TBC1D5: variants seen among roughly 807,000 people sequenced by gnomAD.
The protein encoded by TBC1D5 is TBC1 domain family, member 5.
TBC1D5 carries 75 observed loss-of-function variants against 100.3 expected under a neutral mutation model. The observed-to-expected ratio is 0.75, with a 90% CI of 0.62 to 0.91. The LOEUF is 0.91. Among genes scored for constraint, TBC1D5 ranks in the 40% least tolerant of loss-of-function variants. The pLI, the probability that TBC1D5 is intolerant of heterozygous loss-of-function variation, is 0.00. For missense variants in TBC1D5, 910 were observed against 942.4 expected (o/e 0.97, Z 0.45); for synonymous variants, 323 against 325.6 (o/e 0.99, Z 0.09).
intron 2 of TBC1D5, among the ~76,000 whole-genome samples, chr3:17,525,123 A>C (rs1441632623): frequency 6.6e-6 from 1 of 152,078 alleles, no homozygotes. Context: ...ACTTTAAAAA[A>C]CAGGACATGA....
chr3:17,240,150 G>A (rs1399946187), intron 16 of TBC1D5, among the ~76,000 whole-genome samples: 4 of 152,074 alleles, frequency 2.6e-5, no homozygotes, highest in Admixed American at 2.6e-4. Flanking sequence ...TAATAAAAAG[G>A]AAAGAACACT....
At chr3:17,636,156 T>C (rs527715792) in intron 1 of TBC1D5, among the ~76,000 whole-genome samples, 1 of 152,034 alleles carries the variant, frequency 6.6e-6, no homozygotes, top group African/African-American at 2.4e-5. Flanking sequence ...TGCTGTACTC[T>C]AGCCTGGGTG....
At chr3:17,424,463 A>G (rs1353132349) in intron 4 of TBC1D5, among the ~76,000 whole-genome samples, 2 of 152,216 alleles carry the variant, frequency 1.3e-5, no homozygotes, top group Non-Finnish European at 2.9e-5. Context: ...TTTAATGGTT[A>G]AATAAGGAAC....
chr3:17,407,904 T>A (rs2093815887), intron 4 of TBC1D5, among the ~76,000 whole-genome samples: 1 of 152,162 alleles, frequency 6.6e-6, no homozygotes, highest in South Asian at 2.1e-4. Context: ...ACTCTATTAG[T>A]TTAAAAAATC....
At chr3:17,469,344 T>A (rs2150095807) in intron 3 of TBC1D5, among the ~76,000 whole-genome samples, 1 of 152,300 alleles carries the variant, frequency 6.6e-6, no homozygotes, top group African/African-American at 2.4e-5. Context: ...AAATTTCTTA[T>A]GACCATACAT....
chr3:17,618,052 C>G (rs1485123268), intron 2 of TBC1D5, among the ~76,000 whole-genome samples: 2 of 152,170 alleles, frequency 1.3e-5, no homozygotes, highest in Non-Finnish European at 2.9e-5. Flanking sequence ...TACCTTTGGT[C>G]TTTGATGTTG....
chr3:17,196,919 A>C (rs1038114955), intron 18 of TBC1D5, among the ~76,000 whole-genome samples: 1 of 152,232 alleles, frequency 6.6e-6, no homozygotes, highest in African/African-American at 2.4e-5. Flanking sequence ...CCCGAAGTTC[A>C]CATTTGCTTA....
intron 15 of TBC1D5, among the ~76,000 whole-genome samples, chr3:17,281,609 T>A (rs2080607355): frequency 1.3e-5 from 2 of 152,236 alleles, no homozygotes; most frequent in South Asian, 4.1e-4. Flanking sequence ...TAATCATATG[T>A]GTGCTTGAAC....
intron 13 of TBC1D5, among the ~76,000 whole-genome samples, chr3:17,341,106 C>T (rs1461045867): frequency 6.6e-6 from 1 of 152,120 alleles, no homozygotes; most frequent in African/African-American, 2.4e-5. Context: ...TCCTATAAAA[C>T]AATCTGTCTT....
exon 22 of TBC1D5, chr3:17,158,286 T>C (rs961943588): frequency 1.6e-4 from 24 of 152,234 alleles, no homozygotes; most frequent in African/African-American, 5.1e-4. Flanking sequence ...ATACAAAATG[T>C]ATTTAACTGC....
intron 3 of TBC1D5, among the ~76,000 whole-genome samples, chr3:17,459,278 G>A (rs560161533): frequency 6.6e-6 from 1 of 152,306 alleles, no homozygotes; most frequent in African/African-American, 2.4e-5. Context: ...GATGGCTTCA[G>A]GATGAAACTG....
chr3:17,658,336 C>G (rs188005867), intron 1 of TBC1D5, among the ~76,000 whole-genome samples: 38 of 152,256 alleles, frequency 2.5e-4, no homozygotes, highest in African/African-American at 8.2e-4. Flanking sequence ...AAGATTATAG[C>G]ATCACTCTGT....
intron 15 of TBC1D5, among the ~76,000 whole-genome samples, chr3:17,271,671 T>G (rs753867673): frequency 2.0e-4 from 30 of 152,168 alleles, no homozygotes; most frequent in Non-Finnish European, 3.5e-4. Flanking sequence ...GTGGGCAACC[T>G]TATCTTCTTC....
At chr3:17,474,410 T>G (rs1435176740) in intron 3 of TBC1D5, among the ~76,000 whole-genome samples, 1 of 152,180 alleles carries the variant, frequency 6.6e-6, no homozygotes, top group East Asian at 1.9e-4. Context: ...CTGTTTTCTA[T>G]TTAATTCATT....
At chr3:17,481,825 CCACCT>C (rs1239424958) in intron 3 of TBC1D5, among the ~76,000 whole-genome samples, 1 of 152,206 alleles carries the variant, frequency 6.6e-6, no homozygotes, top group African/African-American at 2.4e-5. Flanking sequence ...ACTGCAACCT[CCACCT>C]CCCAGGTTCA....
Position 17,187,511 on chromosome 3 carries a change from C to A in TBC1D5, c.1753-2303G>T, listed in dbSNP as rs143292588. 1.3e-3 allele frequency among the ~76,000 whole-genome samples: 193 copies of A among 152,292 alleles called. 1 individual carries two copies. The highest frequency in any genetic ancestry group is 4.5e-3 in the African/African-American group (187 of 41,552). On this transcript the variant is annotated intron_variant, in intron 18 of 21. Transcript: ENST00000253692. Reference sequence around the variant, plus strand: ...AGCCCAGTAAGTGACCCAGTCAATACCATGTGGAGCAGAAGAAGAGCCTGA... The same window carrying A: ...AGCCCAGTAAGTGACCCAGTCAATAACATGTGGAGCAGAAGAAGAGCCTGA...
chr3:17,504,275 T>C (rs2095818927), intron 3 of TBC1D5, among the ~76,000 whole-genome samples: 1 of 6,212 alleles, frequency 1.6e-4, no homozygotes, highest in Admixed American at 1.7e-3. Context: ...CTGGGGACTG[T>C]TGTGGGGTGG....
chr3:17,630,112 C>T (rs1190081948), intron 1 of TBC1D5, among the ~76,000 whole-genome samples: 1 of 152,182 alleles, frequency 6.6e-6, no homozygotes, highest in African/African-American at 2.4e-5. Flanking sequence ...ATACAGAATG[C>T]AAACTTTTAC....
intron 3 of TBC1D5, among the ~76,000 whole-genome samples, chr3:17,442,298 A>T (rs1475216443): frequency 6.6e-6 from 1 of 152,196 alleles, no homozygotes; most frequent in African/African-American, 2.4e-5. Flanking sequence ...CTGCCACAGT[A>T]GGTTGGTGGT....
Sources: gnomAD v4.1 joint callset for allele counts (sites outside exome capture counted in the v4.1 genomes callset) on GRCh38, gnomAD v4.1.1 for gene constraint, MANE v1.5 for transcripts, NCBI Gene and HGNC (gene_info 2026-07-23, HGNC 2026-07-21) for gene names.